Variants in TJP1 observed in about 807,000 individuals in gnomAD.
The protein encoded by TJP1 is tight junction protein 1, also known as tight junction protein ZO-1.
TJP1 carries 43 observed loss-of-function variants against 194.2 expected under a neutral mutation model. That is an observed-to-expected ratio of 0.22 (90% CI 0.17 to 0.29). The LOEUF (loss-of-function observed/expected upper bound fraction) is 0.29, where lower values mean the gene tolerates loss of function less well. TJP1 is among the 10% of genes least tolerant of loss of function. The pLI is 1.00. For missense variants in TJP1, 1,971 were observed against 2,185.7 expected (o/e 0.90, Z 1.96); for synonymous variants, 801 against 779.0 (o/e 1.03, Z -0.47).
chr15:29,761,698 T>C lies in TJP1; in HGVS notation c.765A>G (p.Lys255=). The C allele has an allele frequency of 6.2e-7, 1 of 1,609,772 alleles. No individual in the cohort carries two copies. Among genetic ancestry groups the C allele is most frequent in the Non-Finnish European group, 8.5e-7 (1 of 1,176,446 alleles). ...CATCTCTTTGAACTACCATTTTTAA[T>C]TTGCCTTTAGACCTTTCTATCAATG... The part of the protein sequence containing the change: ...AKTLIERSKG[K]LKMVVQRDER... The change falls in exon 7 of 28, where the codon AAA becomes AAG. Residue 255 remains lysine, a synonymous_variant. Transcript: ENST00000614355.
intron 2 of TJP1, among the ~76,000 whole-genome samples, chr15:29,837,815 C>T (rs1459128518): frequency 2.6e-5 from 4 of 152,178 alleles, no homozygotes; most frequent in Non-Finnish European, 4.4e-5. Context: ...GAACTGCCTG[C>T]AGTGGTAAGA....
At chr15:29,802,524 C>T (rs2048853710) in intron 1 of TJP1, among the ~76,000 whole-genome samples, 1 of 151,400 alleles carries the variant, frequency 6.6e-6, no homozygotes, top group Non-Finnish European at 1.5e-5. Flanking sequence ...CAATGAAGTG[C>T]ACCAAAACCT....
At chr15:29,961,727 C>G (rs2056172431) in intron 1 of TJP1, among the ~76,000 whole-genome samples, 1 of 152,158 alleles carries the variant, frequency 6.6e-6, no homozygotes, top group Non-Finnish European at 1.5e-5. Flanking sequence ...CATTTCCCTT[C>G]TCTTCACCTG....
chr15:29,893,256 G>C lies in TJP1; in HGVS notation c.306+62976C>G, dbSNP rs370821806. 1.5e-4 allele frequency among the ~76,000 whole-genome samples: 23 copies of C among 152,290 alleles called. No homozygotes were observed. The South Asian group carries it at 4.4e-3, about 29-fold the overall frequency. On this transcript the variant is annotated intron_variant, in intron 2 of 28. Transcript: ENST00000356107. ...ATAAAACTTGAACAGTCAAGAAGCT[G>C]CTTCACGTAGATGAGCAAAGACAAT...
intron 1 of TJP1, among the ~76,000 whole-genome samples, chr15:29,965,503 C>T (rs2056303321): frequency 6.6e-6 from 1 of 152,118 alleles, no homozygotes; most frequent in African/African-American, 2.4e-5. Flanking sequence ...TGAGCCACCA[C>T]GTCAGGCCCT....
At position 29,852,178 on chromosome 15, in the gene TJP1, T is replaced by C. The variant is rs977508463; in HGVS notation, c.307-51476A>G. On this transcript the variant is annotated intron_variant, in intron 2 of 28. Transcript: ENST00000356107. ...TTCTGCTAAAGAGCTGTGATGAGGA[T>C]GAAAAGACAAGCTACAGAATGAAAG... Among the ~76,000 whole-genome samples, 5 of 152,134 alleles carry C rather than the reference T, an allele frequency of 3.3e-5. No homozygotes were observed. The East Asian group carries it at 9.6e-4, about 29-fold the overall frequency.
At chr15:29,704,618 A>G (rs1423119782) in intron 26 of TJP1, among the ~76,000 whole-genome samples, 2 of 152,242 alleles carry the variant, frequency 1.3e-5, no homozygotes, top group African/African-American at 4.8e-5. Flanking sequence ...CTTGGTGTGT[A>G]TTTCACATTT....
intron 8 of TJP1, among the ~76,000 whole-genome samples, chr15:29,755,223 T>G (rs531716785): frequency 1.3e-5 from 2 of 152,182 alleles, no homozygotes; most frequent in African/African-American, 4.8e-5. Flanking sequence ...AGCCTGGGTG[T>G]GTGGCAGGCT....
intron 2 of TJP1, among the ~76,000 whole-genome samples, chr15:29,779,011 G>A (rs951192333): frequency 2.0e-5 from 3 of 152,020 alleles, no homozygotes; most frequent in South Asian, 4.2e-4. Context: ...CTTTTTCATC[G>A]CTTACTTCTA....
intron 8 of TJP1, among the ~76,000 whole-genome samples, chr15:29,752,115 TCC>T (rs200728984): frequency 7.2e-6 from 1 of 138,458 alleles, no homozygotes; most frequent in African/African-American, 3.1e-5. Flanking sequence ...TTTTTTTTTT[TCC>T]CCCCAGACGG....
chr15:29,860,958 A>C (rs1293391269), intron 2 of TJP1, among the ~76,000 whole-genome samples: 2 of 152,242 alleles, frequency 1.3e-5, no homozygotes, highest in African/African-American at 2.4e-5. Flanking sequence ...CTATAGTGTA[A>C]TCATAACTTT....
At chr15:29,745,659 T>C (rs1023591739) in intron 8 of TJP1, among the ~76,000 whole-genome samples, 1 of 152,214 alleles carries the variant, frequency 6.6e-6, no homozygotes, top group African/African-American at 2.4e-5. Context: ...AAACACACTC[T>C]TTAAGGACTT....
At chr15:29,807,468 G>T (rs185390824) in intron 1 of TJP1, among the ~76,000 whole-genome samples, 2 of 152,144 alleles carry the variant, frequency 1.3e-5, no homozygotes, top group Non-Finnish European at 2.9e-5. Flanking sequence ...TAGATACAAA[G>T]ATCTCTCACA....
Position 29,720,398 on chromosome 15 carries a change from T to G in TJP1, c.2723A>C (p.His908Pro), listed in dbSNP as rs760965111. The change falls in exon 19 of 28, where the codon CAT becomes CCT. Residue 908 changes from histidine (H) to proline (P), a missense_variant. Transcript: ENST00000614355. The part of the protein sequence containing the change: ...YSPQAQPQPI[H>P]RIDSPGFKPA... ...CTTAAATCCAGGGGAGTCTATTCTA[T>G]GAATTGGTTGTGGCTGCGCTTGTGG... 1 of 1,609,808 alleles carries G rather than the reference T, an allele frequency of 6.2e-7. No individual in the cohort carries two copies. Among genetic ancestry groups the G allele is most frequent in the Middle Eastern group, 1.7e-4 (1 of 6,054 alleles).
chr15:29,801,307 A>C (rs1013221675), intron 1 of TJP1, among the ~76,000 whole-genome samples: 5 of 152,184 alleles, frequency 3.3e-5, no homozygotes, highest in African/African-American at 1.2e-4. Flanking sequence ...TACACACAAG[A>C]AACAAAAACA....
chr15:29,738,731 A>G (rs2044196243), intron 10 of TJP1, among the ~76,000 whole-genome samples: 1 of 152,012 alleles, frequency 6.6e-6, no homozygotes, highest in South Asian at 2.1e-4. Flanking sequence ...AAAGTCCTTA[A>G]GACTCCAGGT....
At position 29,830,016 on chromosome 15, in the gene TJP1, AT is replaced by A. The variant is rs1482942917; in HGVS notation, c.307-29315del. ...CAAAAATTCTTACATTAAAAAAAAA[AT>A]ACAATGAAATTTAAAAAAAAAGCCA... is the stretch of plus-strand genomic sequence containing the variant. On this transcript the variant is annotated intron_variant, in intron 2 of 28. Coordinates refer to the TJP1 transcript ENST00000356107. 3.9e-5 allele frequency among the ~76,000 whole-genome samples: 6 copies of A among 152,108 alleles called. No individual in the cohort carries two copies. The East Asian group carries it at 1.2e-3, about 29-fold the overall frequency.
At chr15:29,767,242 A>G (rs993630160) in intron 4 of TJP1, among the ~76,000 whole-genome samples, 3 of 152,088 alleles carry the variant, frequency 2.0e-5, no homozygotes, top group African/African-American at 7.2e-5. Context: ...ATCTACATGT[A>G]TTACACCTGC....
At chr15:29,770,082 C>G (rs1239011445) in intron 4 of TJP1, among the ~76,000 whole-genome samples, 1 of 152,084 alleles carries the variant, frequency 6.6e-6, no homozygotes, top group Non-Finnish European at 1.5e-5. Context: ...TGACCCTGAT[C>G]CTGGGTAGCC....
Sources: allele counts gnomAD v4.1 joint callset (sites outside exome capture counted in the v4.1 genomes callset), GRCh38; gene constraint gnomAD v4.1.1; transcripts MANE v1.5; gene names NCBI Gene and HGNC (gene_info 2026-07-23, HGNC 2026-07-21).